KRT75: variants seen among roughly 807,000 people sequenced by gnomAD.
KRT75 encodes keratin, type II cytoskeletal 75.
KRT75 carries 35 observed loss-of-function variants against 48.8 expected under a neutral mutation model. The observed-to-expected ratio is 0.72, with a 90% confidence interval of 0.55 to 0.95. The LOEUF (loss-of-function observed/expected upper bound fraction) is 0.95. Among genes scored for constraint, KRT75 ranks in the 40% least tolerant of loss-of-function variants. KRT75 has a pLI of 0.00. For missense variants in KRT75, 776 were observed against 709.9 expected (o/e 1.09, Z -1.06); for synonymous variants, 301 against 282.3 (o/e 1.07, Z -0.66).
intron 1 of KRT75, 75 bp downstream of exon 1, chr12:52,433,732 C>G (rs1829216386): frequency 2.5e-6 from 4 of 1,601,688 alleles, no homozygotes; most frequent in Admixed American, 3.3e-5. Context: ...CATTATTGCT[C>G]TCCCCCCATG....
chr12:52,432,109 A>G, intron 2 of KRT75, 43 bp from the exon 3 acceptor site: 12 of 1,599,218 alleles, frequency 7.5e-6, no homozygotes, highest in East Asian at 2.2e-5. Flanking sequence ...GCAAGTCTGC[A>G]TTGAACTCTT....
At position 52,424,551 on chromosome 12, in the gene KRT75, G is replaced by T. The variant is rs1940052512; in HGVS notation, c.1622C>A (p.Thr541Asn). Residue 541 changes from threonine (T) to asparagine (N), a missense_variant, in exon 9 of 9, where the codon ACC (threonine) becomes AAC (asparagine). Physicochemically the swap from Thr to Asn is moderately conservative, Grantham distance 65. Coordinates refer to ENST00000252245, the MANE Select transcript of KRT75 (RefSeq NM_004693.3). ...GTAGCTCTTCTGGCTGGAGGATGTG[G>T]TGGAGACAAACTTGACGCTAGAACC... ...GSGSSVKFVSTTSSSQKSYTH is the reference protein window; with the variant it reads ...GSGSSVKFVSNTSSSQKSYTH The T allele has an allele frequency of 6.2e-7, 1 of 1,614,074 alleles. No individual in the cohort carries two copies. Among genetic ancestry groups the T allele is most frequent in the Admixed American group, 1.7e-5 (1 of 60,008 alleles).
chr12:52,430,833 T>C, intron 4 of KRT75, 128 bp from the exon 5 acceptor site: 2 of 1,033,890 alleles, frequency 1.9e-6, no homozygotes, highest in Non-Finnish European at 3.0e-6. Context: ...AGCTATTCCC[T>C]AGGTATTCCC....
chr12:52,424,567 C>T lies in KRT75; in HGVS notation c.1606G>A (p.Val536Ile), dbSNP rs551243973. The T allele has an allele frequency of 1.7e-5, 28 of 1,614,152 alleles. No individual in the cohort carries two copies. Among genetic ancestry groups the T allele is most frequent in the South Asian group, 4.4e-5 (4 of 91,078 alleles). Reference sequence around the variant, plus strand: ...GAGGATGTGGTGGAGACAAACTTGACGCTAGAACCACTGCCCCCTAAGCCC... The same window carrying T: ...GAGGATGTGGTGGAGACAAACTTGATGCTAGAACCACTGCCCCCTAAGCCC... ...NRGLGGSGSSVKFVSTTSSSQ... is the reference protein window; with the variant it reads ...NRGLGGSGSSIKFVSTTSSSQ... The change falls in exon 9 of 9, where the codon GTC becomes ATC. Residue 536 changes from valine to isoleucine, a missense_variant. Physicochemically the swap from Val to Ile is conservative, Grantham distance 29. Coordinates refer to ENST00000252245, the MANE Select transcript of KRT75 (RefSeq NM_004693.3).
rs984866512 is a variant in KRT75 at position 52,428,054 on chromosome 12, G to A, written c.1382+202C>T. The A allele has an allele frequency of 5.9e-6, 4 of 673,216 alleles. No individual in the cohort carries two copies. The African/African-American group carries it at 7.2e-5, about 12-fold the overall frequency. 41.7% of individuals were successfully genotyped at this position (673,216 alleles called of 1,614,324 possible). A position where few individuals can be genotyped will look rare whatever the true frequency, so the allele number is the denominator to read the frequency against. ...ACCTGATCAGGTTTTAGGTTTCTAT[G>A]GGGATGCTAACTGTAGTTGCACCTC... On this transcript the variant is annotated intron_variant, in intron 7 of 8. Coordinates refer to ENST00000252245, the MANE Select transcript of KRT75 (RefSeq NM_004693.3).
At chr12:52,431,166 CT>C (rs1940139563) in intron 4 of KRT75, among the ~76,000 whole-genome samples, 1 of 151,292 alleles carries the variant, frequency 6.6e-6, no homozygotes, top group South Asian at 2.1e-4. Context: ...AGGAAGCCCC[CT>C]GACCAATGAG....
In KRT75 at chr12:52,430,422, G is replaced by T. The variant is rs2232399; in HGVS notation, c.1035+119C>A. On this transcript the variant is annotated intron_variant, in intron 5 of 8. Coordinates refer to ENST00000252245, the MANE Select transcript of KRT75 (RefSeq NM_004693.3). ...TAAGTTGTCATAGCATCAAAGACAT[G>T]CCTGCTAAGTTGAAATAAACGAATG... 8,215 of 1,063,952 alleles carry T rather than the reference G, an allele frequency of 7.7e-3. 418 individuals are homozygous for T. In the East Asian group the frequency reaches 0.12, roughly 15 times the overall value. The allele number at this position is 1,063,952 out of a possible 1,614,324, so 65.9% of individuals were successfully genotyped here.
rs972044790 is a variant in KRT75 at position 52,426,665 on chromosome 12, A to T, written c.1417+152T>A. On this transcript the variant is annotated intron_variant, in intron 8 of 8. Transcript: ENST00000252245. ...AGACTCCTAATATGGCTTGCTTTTTAAGGGACCCAAAACCTCAAACCTTCT... is the reference window on the plus strand; with the variant it reads ...AGACTCCTAATATGGCTTGCTTTTTTAGGGACCCAAAACCTCAAACCTTCT... 18 of 795,076 alleles carry T rather than the reference A, an allele frequency of 2.3e-5. No homozygotes were observed. In the East Asian group the frequency reaches 2.5e-4, roughly 11 times the overall value. The allele number at this position is 795,076 out of a possible 1,614,324, so 49.3% of individuals were successfully genotyped here. A position where few individuals can be genotyped will look rare whatever the true frequency, so the allele number is the denominator to read the frequency against.
rs779742513 is a variant in KRT75 at position 52,432,044 on chromosome 12, G to C, written c.736C>G (p.Arg246Gly). 8 of 1,614,046 alleles carry C rather than the reference G, an allele frequency of 5.0e-6. No individual in the cohort carries two copies. The highest frequency in any genetic ancestry group is 6.8e-6 in the Non-Finnish European group (8 of 1,180,044). Residue 246 changes from arginine to glycine, a missense_variant, in exon 3 of 9, where the codon CGC becomes GGC. Physicochemically the swap from Arg to Gly is moderately radical, Grantham distance 125. Coordinates refer to ENST00000252245, the MANE Select transcript of KRT75 (RefSeq NM_004693.3). ...ACAAATTCATTCTCAGCAGCTGTGCGCTTGTTAATTTCATCTTCGTACCTA... is the reference window on the plus strand; with the variant it reads ...ACAAATTCATTCTCAGCAGCTGTGCCCTTGTTAATTTCATCTTCGTACCTA... ...KVRYEDEINKRTAAENEFVAL... is the reference protein window; with the variant it reads ...KVRYEDEINKGTAAENEFVAL...
In KRT75 at chr12:52,434,023, G is replaced by A. The variant is rs758601807; in HGVS notation, c.282C>T (p.Val94=). 31 of 1,613,974 alleles carry A rather than the reference G, an allele frequency of 1.9e-5. No homozygotes were observed. Among genetic ancestry groups the A allele is most frequent in the Non-Finnish European group, 2.4e-5 (28 of 1,180,004 alleles). The stretch of plus-strand genomic sequence containing the variant: ...CACCCCCATAGCCAAATCCACTGTT[G>A]ACTCCAAACCTGTTGCTGGCCCTGC... The part of the protein sequence containing the change: ...FGGRASNRFG[V]NSGFGYGGGV... Residue 94 remains valine, a synonymous_variant, in exon 1 of 9, where the codon GTC becomes GTT. Transcript: ENST00000252245.
chr12:52,432,276 TAGA>T (rs1940155131), intron 2 of KRT75, among the ~76,000 whole-genome samples: 1 of 152,132 alleles, frequency 6.6e-6, no homozygotes, highest in African/African-American at 2.4e-5. Flanking sequence ...TTTCTAAGAG[TAGA>T]AGGTGAGCAT....
Position 52,426,841 on chromosome 12 carries a change from C to A in KRT75, c.1393G>T (p.Glu465Ter). The A allele has an allele frequency of 6.2e-7, 1 of 1,614,184 alleles. No individual in the cohort carries two copies. The change falls in exon 8 of 9, where the codon GAG becomes TAG. Residue 465 changes from glutamate to a stop codon, truncating the protein, a stop_gained. Transcript: ENST00000252245. LOFTEE classifies it high-confidence loss of function. Reference sequence around the variant, plus strand: ...CAAATGTTAACTGGAGAAACTCCCTCTCCACTCAACCTGATTGGGAAGAGC... The same window carrying A: ...CAAATGTTAACTGGAGAAACTCCCTATCCACTCAACCTGATTGGGAAGAGC... Reference protein sequence around the residue: ...LEGEECRLSGEGVSPVNISVV... With the variant: ...LEGEECRLSG
intron 7 of KRT75, among the ~76,000 whole-genome samples, chr12:52,427,404 T>C (rs1940087814): frequency 6.6e-6 from 1 of 152,266 alleles, no homozygotes; most frequent in Non-Finnish European, 1.5e-5. Context: ...AGGTAACAGC[T>C]GTTGATTACC....
rs758584577 is a variant in KRT75 at position 52,433,168 on chromosome 12, T to C, written c.583A>G (p.Asn195Asp). ...QEQGSRTVRQ[N>D]LEPLFDSYTS... ...TAGGAATCAAAGAGGGGCTCTAGGT[T>C]CTGCCTCACAGTCCTGGAGCCCTGC... is the stretch of plus-strand genomic sequence containing the variant. Residue 195 changes from asparagine to aspartate, a missense_variant, in exon 2 of 9, where the codon AAC becomes GAC. Coordinates refer to ENST00000252245, the MANE Select transcript of KRT75 (RefSeq NM_004693.3). 3.1e-6 allele frequency: 5 copies of C among 1,613,994 alleles called. No individual in the cohort carries two copies. The South Asian group carries it at 5.5e-5, about 18-fold the overall frequency.
intron 8 of KRT75, among the ~76,000 whole-genome samples, chr12:52,425,445 G>C (rs762825643): frequency 6.6e-6 from 1 of 152,206 alleles, no homozygotes; most frequent in Non-Finnish European, 1.5e-5. Flanking sequence ...AAATGGGATC[G>C]TTGCAGGTAT....
chr12:52,432,211 C>A, intron 2 of KRT75, 145 bp from the exon 3 acceptor site: 2 of 702,660 alleles, frequency 2.8e-6, no homozygotes, highest in Non-Finnish European at 4.9e-6. Flanking sequence ...CATTTAACCT[C>A]TATTTCTCCC....
intron 5 of KRT75, 112 bp downstream of exon 5, chr12:52,430,428 TA>T (rs1940128485): frequency 8.8e-7 from 1 of 1,133,858 alleles, no homozygotes; most frequent in East Asian, 2.4e-5. Flanking sequence ...ACATGCCTGC[TA>T]AGTTGAAATA....
rs2121512122 is a variant in KRT75 at position 52,424,298 on chromosome 12, G to A, written c.*219C>T. 1.5e-6 allele frequency: 1 copy of A among 661,836 alleles called. No individual in the cohort carries two copies. Among genetic ancestry groups the A allele is most frequent in the East Asian group, 2.6e-5 (1 of 39,048 alleles). 41.0% of individuals were successfully genotyped at this position (661,836 alleles called of 1,614,324 possible). ...GAATGAGAGCCTTAGGAGAGAGCAGGCTTTGGTTTCACATGTGTAACAGAC... is the reference window on the plus strand; with the variant it reads ...GAATGAGAGCCTTAGGAGAGAGCAGACTTTGGTTTCACATGTGTAACAGAC... On this transcript the variant is annotated 3_prime_UTR_variant, in exon 9 of 9. Coordinates refer to ENST00000252245, the MANE Select transcript of KRT75 (RefSeq NM_004693.3).
intron 4 of KRT75, among the ~76,000 whole-genome samples, chr12:52,431,293 C>G (rs1291144228): frequency 2.0e-5 from 3 of 151,892 alleles, no homozygotes; most frequent in Non-Finnish European, 4.4e-5. Context: ...GGAATCAGTA[C>G]TCTCTCCTTG....
Sources: gnomAD v4.1 joint callset for allele counts (sites outside exome capture counted in the v4.1 genomes callset) on GRCh38, gnomAD v4.1.1 for gene constraint, MANE v1.5 for transcripts, NCBI Gene and HGNC (gene_info 2026-07-23, HGNC 2026-07-21) for gene names.